Variants in MKNK2 observed in about 807,000 individuals in gnomAD.
The protein encoded by MKNK2 is MAPK interacting serine/threonine kinase 2.
In MKNK2, 54 loss-of-function variants were observed where a neutral mutation model predicts 55.0. That is an observed-to-expected ratio of 0.98 (90% CI 0.79 to 1.23). The LOEUF (loss-of-function observed/expected upper bound fraction) is 1.23. Ranked by LOEUF, MKNK2 falls within the 50% of genes most tolerant of loss-of-function variation. The pLI is 0.00. For synonymous variants in MKNK2, 323 were observed against 256.0 expected (o/e 1.26, Z -2.50); for missense variants, 685 against 632.1 (o/e 1.08, Z -0.90).
intron 2 of MKNK2, among the ~76,000 whole-genome samples, chr19:2,049,885 G>A (rs72981440): frequency 0.023 from 3,552 of 152,178 alleles, 62 homozygotes; most frequent in Middle Eastern, 0.054. Flanking sequence ...GGAGCACCGC[G>A]TTGTGTGTAC....
In MKNK2 at chr19:2,037,630, GGT is replaced by G; in HGVS notation, c.*1981_*1982del. 2.6e-6 allele frequency: 2 copies of G among 769,692 alleles called. No homozygotes were observed. Among genetic ancestry groups the G allele is most frequent in the Non-Finnish European group, 3.6e-6 (2 of 550,206 alleles). 47.7% of individuals were successfully genotyped at this position (769,692 alleles called of 1,614,324 possible). On this transcript the variant is annotated 3_prime_UTR_variant, in exon 14 of 14. Transcript: ENST00000250896. ...TCCCCCACTTTAAAAAAACTTTTGA[GGT>G]TTTTTTTTTTTTTTTGTCTTTTAAA...
intron 11 of MKNK2, 98 bp downstream of exon 11, chr19:2,041,742 G>C (rs980863364): frequency 1.9e-6 from 2 of 1,035,220 alleles, no homozygotes; most frequent in African/African-American, 1.7e-5. Context: ...CCTGGACTTA[G>C]AGGGTGCGCA....
Position 2,042,424 on chromosome 19 carries a change from C to T in MKNK2, c.750+3G>A, listed in dbSNP as rs376371677. On this transcript the variant is annotated splice_donor_region_variant and intron_variant, in intron 10 of 13. Transcript: ENST00000250896. ...GCCCCCAGCCCTCCCCGCGGGCCCT[C>T]ACCGGAGTGAGCAGCTCCGGGGTGG... The T allele has an allele frequency of 1.3e-6, 2 of 1,571,028 alleles. No homozygotes were observed. The highest frequency in any genetic ancestry group is 3.8e-5 in the Admixed American group (2 of 52,130).
chr19:2,037,655 A>C lies in MKNK2; in HGVS notation c.*1958T>G. On this transcript the variant is annotated 3_prime_UTR_variant, in exon 14 of 14. Coordinates refer to ENST00000250896, the MANE Select transcript of MKNK2 (RefSeq NM_199054.3). ...GGTTTTTTTTTTTTTTTTGTCTTTT[A>C]AAAACATCGTAACATTAACACATGG... The C allele has an allele frequency of 1.5e-6, 1 of 679,226 alleles. No individual in the cohort carries two copies. Among genetic ancestry groups the C allele is most frequent in the South Asian group, 4.5e-5 (1 of 22,302 alleles). The allele number at this position is 679,226 out of a possible 1,614,324, so 42.1% of individuals were successfully genotyped here.
chr19:2,042,155 A>G, intron 10 of MKNK2, 121 bp from the exon 11 acceptor site: 1 of 988,274 alleles, frequency 1.0e-6, no homozygotes. Flanking sequence ...GGCCCGACCA[A>G]TCAGCGGCTG....
intron 7 of MKNK2, 70 bp downstream of exon 7, chr19:2,043,054 T>A (rs2016926961): frequency 7.2e-7 from 1 of 1,383,608 alleles, no homozygotes; most frequent in Non-Finnish European, 1.0e-6. Context: ...CTCCTGCAGG[T>A]GGCACTAGGC....
At chr19:2,050,245 T>TGA (rs1305693114) in intron 2 of MKNK2, among the ~76,000 whole-genome samples, 25 of 152,332 alleles carry the variant, frequency 1.6e-4, no homozygotes, top group African/African-American at 6.0e-4. Context: ...AGTGCAGGGC[T>TGA]GAGGGGACAT....
intron 11 of MKNK2, 69 bp from the exon 12 acceptor site, chr19:2,041,273 C>G (rs1217880709): frequency 6.5e-7 from 1 of 1,528,400 alleles, no homozygotes; most frequent in East Asian, 2.3e-5. Flanking sequence ...TGACACGTGG[C>G]TCCAACCGGA....
Position 2,042,817 on chromosome 19 carries a change from T to C in MKNK2, c.547A>G (p.Ser183Gly). 6.3e-7 allele frequency: 1 copy of C among 1,580,970 alleles called. No homozygotes were observed. The change falls in exon 8 of 14, where the codon AGC (serine) becomes GGC (glycine). Residue 183 changes from serine (S) to glycine (G), a missense_variant. Ser to Gly is a moderately conservative substitution (Grantham distance 56, BLOSUM62 0). Coordinates refer to ENST00000250896, the MANE Select transcript of MKNK2 (RefSeq NM_199054.3). The part of the protein sequence containing the change: ...KRRHFNELEA[S>G]VVVQDVASAL... Reference sequence around the variant, plus strand: ...CTGGCCACGTCCTGCACCACCACGCTGGCCTCCAGCTCGTTGAAGTGCCGG... The same window carrying C: ...CTGGCCACGTCCTGCACCACCACGCCGGCCTCCAGCTCGTTGAAGTGCCGG...
At chr19:2,041,280 C>A in intron 11 of MKNK2, 76 bp from the exon 12 acceptor site, 1 of 1,504,308 alleles carries the variant, frequency 6.6e-7, no homozygotes, top group South Asian at 1.3e-5. Context: ...TGGCTCCAAC[C>A]GGACCCCAAC....
intron 12 of MKNK2, 62 bp from the exon 13 acceptor site, chr19:2,040,239 T>A: frequency 7.2e-7 from 1 of 1,397,560 alleles, no homozygotes; most frequent in Non-Finnish European, 9.7e-7. Flanking sequence ...GGGCGCTGGG[T>A]GGGGTGTCTG....
At chr19:2,050,169 C>T (rs2017083573) in intron 2 of MKNK2, among the ~76,000 whole-genome samples, 1 of 152,204 alleles carries the variant, frequency 6.6e-6, no homozygotes, top group Non-Finnish European at 1.5e-5. Context: ...CAGCAGTCAC[C>T]ACCCGGGCTG....
chr19:2,049,150 G>C (rs957921240), intron 2 of MKNK2, among the ~76,000 whole-genome samples: 2 of 152,170 alleles, frequency 1.3e-5, no homozygotes, highest in Admixed American at 6.5e-5. Flanking sequence ...CACAGCGGAG[G>C]GGCCAGGCAC....
Position 2,038,071 on chromosome 19 carries a change from T to C in MKNK2, c.*1542A>G, listed in dbSNP as rs1452279876. The C allele has an allele frequency of 1.4e-5, 16 of 1,178,040 alleles. No individual in the cohort carries two copies. The highest frequency in any genetic ancestry group is 5.7e-5 in the South Asian group (2 of 35,238). The allele number at this position is 1,178,040 out of a possible 1,614,324, so 73.0% of individuals were successfully genotyped here. ...CTTTGGAAGGGGCAGTCCACAGATA[T>C]GGGCAGTGGGGACCAGGGAAGGCAG... is the stretch of plus-strand genomic sequence containing the variant. On this transcript the variant is annotated 3_prime_UTR_variant, in exon 14 of 14. Coordinates refer to ENST00000250896, the MANE Select transcript of MKNK2 (RefSeq NM_199054.3).
rs984266618 is a variant in MKNK2 at position 2,039,021 on chromosome 19, T to C, written c.*592A>G. Reference sequence around the variant, plus strand: ...GCGGGTGAAGGGCTGGGGGATCCCATGGGGTGGGTGGGTGAGCTGCCTGCC... The same window carrying C: ...GCGGGTGAAGGGCTGGGGGATCCCACGGGGTGGGTGGGTGAGCTGCCTGCC... On this transcript the variant is annotated 3_prime_UTR_variant, in exon 14 of 14. Coordinates refer to ENST00000250896, the MANE Select transcript of MKNK2 (RefSeq NM_199054.3). 7.1e-6 allele frequency: 6 copies of C among 841,826 alleles called. No homozygotes were observed. In the African/African-American group the frequency reaches 9.5e-5, roughly 13 times the overall value. 52.1% of individuals were successfully genotyped at this position (841,826 alleles called of 1,614,324 possible).
chr19:2,049,220 A>T (rs2017061781), intron 2 of MKNK2, among the ~76,000 whole-genome samples: 1 of 152,216 alleles, frequency 6.6e-6, no homozygotes, highest in Non-Finnish European at 1.5e-5. Context: ...ACGCGCCTGC[A>T]GTCTCAGAGC....
chr19:2,039,995 C>G, intron 13 of MKNK2, 139 bp from the exon 14 acceptor site: 1 of 1,379,808 alleles, frequency 7.2e-7, no homozygotes, highest in Non-Finnish European at 1.0e-6. Flanking sequence ...CACCAGGGCC[C>G]CACCGGGAGC....
rs755591108 is a variant in MKNK2, at chr19:2,037,839, A to C, written c.*1774T>G. The stretch of plus-strand genomic sequence containing the variant: ...GAAGTGACTGTCCCACCTTCAGAAA[A>C]AAAAAAAAAAACAAACAAACAAACG... On this transcript the variant is annotated 3_prime_UTR_variant, in exon 14 of 14. Coordinates refer to ENST00000250896, the MANE Select transcript of MKNK2 (RefSeq NM_199054.3). The C allele has an allele frequency of 3.2e-6, 5 of 1,553,456 alleles. No homozygotes were observed. The East Asian group carries it at 6.8e-5, about 21-fold the overall frequency.
chr19:2,043,598 G>T lies in MKNK2; in HGVS notation c.340-16C>A. On this transcript the variant is annotated splice_polypyrimidine_tract_variant and intron_variant, in intron 5 of 13. Coordinates refer to ENST00000250896, the MANE Select transcript of MKNK2 (RefSeq NM_199054.3). Reference sequence around the variant, plus strand: ...TCTCAATGATCTGAAACAGGCGAAAGGACACAGCACCTGGGTTGGTGGGAC... The same window carrying T: ...TCTCAATGATCTGAAACAGGCGAAATGACACAGCACCTGGGTTGGTGGGAC... The T allele has an allele frequency of 6.2e-7, 1 of 1,613,210 alleles. No individual in the cohort carries two copies. Among genetic ancestry groups the T allele is most frequent in the Non-Finnish European group, 8.5e-7 (1 of 1,179,434 alleles).
Sources: allele counts gnomAD v4.1 joint callset (sites outside exome capture counted in the v4.1 genomes callset), GRCh38; gene constraint gnomAD v4.1.1; transcripts MANE v1.5; gene names NCBI Gene and HGNC (gene_info 2026-07-23, HGNC 2026-07-21).